Variants in PID1 observed in about 807,000 individuals in gnomAD.
PID1 encodes the protein phosphotyrosine interaction domain containing 1.
A neutral mutation model predicts 19.1 loss-of-function variants in PID1; 10 were observed. That is an observed-to-expected ratio of 0.52 (90% CI 0.32 to 0.89). PID1 has a LOEUF of 0.89. Among genes scored for constraint, PID1 ranks in the 40% least tolerant of loss-of-function variants. The probability of loss-of-function intolerance (pLI) is 0.03; values close to 1 mark genes in which losing one functional copy is unlikely to be tolerated. For synonymous variants in PID1, 130 were observed against 116.0 expected, an observed-to-expected ratio of 1.12 and a Z score of -0.78; for missense variants, 248 against 285.3, an observed-to-expected ratio of 0.87 and a Z score of 0.94.
chr2:229,062,437 G>T (rs1284345063), intron 2 of PID1, among the ~76,000 whole-genome samples: 1 of 151,870 alleles, frequency 6.6e-6, no homozygotes, highest in African/African-American at 2.4e-5. Context: ...GAATACAAGG[G>T]ATAAATCCTG....
At chr2:229,049,292 A>G (rs1239169556) in intron 2 of PID1, among the ~76,000 whole-genome samples, 1 of 152,102 alleles carries the variant, frequency 6.6e-6, no homozygotes, top group Non-Finnish European at 1.5e-5. Context: ...TATGTTGGCA[A>G]TCTGTATTTC....
At chr2:229,192,234 G>A (rs1574709098) in intron 1 of PID1, among the ~76,000 whole-genome samples, 1 of 152,214 alleles carries the variant, frequency 6.6e-6, no homozygotes, top group East Asian at 1.9e-4. Flanking sequence ...TATCCTCTCT[G>A]CCAAGATCTG....
At chr2:229,233,911 A>T (rs1451667735) in intron 1 of PID1, among the ~76,000 whole-genome samples, 1 of 152,218 alleles carries the variant, frequency 6.6e-6, no homozygotes, top group African/African-American at 2.4e-5. Flanking sequence ...ATTATTTACA[A>T]CAATGCATCA....
intron 2 of PID1, among the ~76,000 whole-genome samples, chr2:229,118,913 A>G (rs1367106216): frequency 1.3e-5 from 2 of 152,234 alleles, no homozygotes; most frequent in East Asian, 3.8e-4. Flanking sequence ...CAAGAGTAAG[A>G]GTCTGAACTC....
chr2:229,149,632 T>C (rs1393532032), intron 2 of PID1, among the ~76,000 whole-genome samples: 2 of 152,276 alleles, frequency 1.3e-5, no homozygotes, highest in East Asian at 3.9e-4. Context: ...ATATAAAAAT[T>C]GTTATGGTTT....
At chr2:229,225,186 C>G (rs1427350027) in intron 1 of PID1, among the ~76,000 whole-genome samples, 1 of 152,096 alleles carries the variant, frequency 6.6e-6, no homozygotes, top group Non-Finnish European at 1.5e-5. Context: ...CAGCTAGATT[C>G]GAGGAAATTT....
intron 2 of PID1, among the ~76,000 whole-genome samples, chr2:229,076,524 C>T (rs1413239154): frequency 2.0e-5 from 3 of 152,078 alleles, no homozygotes; most frequent in African/African-American, 4.8e-5. Context: ...GGTATTTCTC[C>T]TAATGTTATC....
intron 2 of PID1, among the ~76,000 whole-genome samples, chr2:229,087,607 T>G (rs1694794294): frequency 6.6e-6 from 1 of 152,212 alleles, no homozygotes; most frequent in Non-Finnish European, 1.5e-5. Context: ...TAAATGTTCC[T>G]CGAAGACAGT....
intron 1 of PID1, among the ~76,000 whole-genome samples, chr2:229,210,550 AAAAAC>A (rs1207170516): frequency 0.11 from 13,160 of 120,838 alleles, 1,979 homozygotes; most frequent in East Asian, 0.37. Context: ...AAAAAAAAAA[AAAAAC>A]AACCTAGAAG....
At chr2:229,227,777 A>G (rs1692111233) in intron 1 of PID1, among the ~76,000 whole-genome samples, 1 of 152,182 alleles carries the variant, frequency 6.6e-6, no homozygotes, top group Non-Finnish European at 1.5e-5. Context: ...TGGGGAAAAA[A>G]TTGCACGTGT....
chr2:229,197,072 C>T (rs1295116321), intron 1 of PID1, among the ~76,000 whole-genome samples: 3 of 151,946 alleles, frequency 2.0e-5, no homozygotes, highest in Non-Finnish European at 2.9e-5. Flanking sequence ...ACAAGCATGC[C>T]CTTTTATGCC....
chr2:229,061,536 G>C (rs1694212476), intron 2 of PID1, among the ~76,000 whole-genome samples: 1 of 151,934 alleles, frequency 6.6e-6, no homozygotes. Flanking sequence ...AAGTCAGATA[G>C]TGTGATGCAT....
At position 229,030,536 on chromosome 2, in the gene PID1, A is replaced by T. The variant is rs886179427; in HGVS notation, c.178-4428T>A. Among the ~76,000 whole-genome samples, 4 of 152,156 alleles carry T rather than the reference A, an allele frequency of 2.6e-5. No homozygotes were observed. The East Asian group carries it at 7.7e-4, about 29-fold the overall frequency. ...TTACTATTCACTGAAACTAGAAATA[A>T]CTGTTTTTATGTTTGGTAGAAAAAA... On this transcript the variant is annotated intron_variant, in intron 2 of 2. Transcript: ENST00000392055.
chr2:229,232,743 TTTG>T (rs1341960367), intron 1 of PID1, among the ~76,000 whole-genome samples: 1 of 148,634 alleles, frequency 6.7e-6, no homozygotes, highest in Non-Finnish European at 1.5e-5. Flanking sequence ...GTTAATAATG[TTTG>T]TTGACTGACC....
chr2:229,136,312 C>G (rs1186185459), intron 2 of PID1, among the ~76,000 whole-genome samples: 3 of 152,106 alleles, frequency 2.0e-5, no homozygotes, highest in African/African-American at 7.2e-5. Flanking sequence ...AATGCCCCAG[C>G]CAACAGCTTG....
At chr2:229,213,021 A>G (rs1398921986) in intron 1 of PID1, among the ~76,000 whole-genome samples, 3 of 152,108 alleles carry the variant, frequency 2.0e-5, no homozygotes, top group Non-Finnish European at 2.9e-5. Context: ...GTTAAAAAAT[A>G]TACTCTGTGA....
chr2:229,254,147 C>T (rs866777016), intron 1 of PID1, among the ~76,000 whole-genome samples: 4 of 152,120 alleles, frequency 2.6e-5, no homozygotes, highest in South Asian at 4.2e-4. Context: ...ATGGCACATT[C>T]ATTACGAACA....
At chr2:229,069,792 G>T (rs1011034812) in intron 2 of PID1, among the ~76,000 whole-genome samples, 2 of 152,186 alleles carry the variant, frequency 1.3e-5, no homozygotes, top group Non-Finnish European at 2.9e-5. Flanking sequence ...TAAGCACTAA[G>T]ATATTATTAC....
chr2:229,210,295 G>A (rs1051460151), intron 1 of PID1, among the ~76,000 whole-genome samples: 2 of 151,752 alleles, frequency 1.3e-5, no homozygotes, highest in Admixed American at 6.6e-5. Context: ...GGTGGATCAC[G>A]AGGTCAGGAG....
Sources: gnomAD v4.1 joint callset for allele counts (sites outside exome capture counted in the v4.1 genomes callset) on GRCh38, gnomAD v4.1.1 for gene constraint, MANE v1.5 for transcripts, NCBI Gene and HGNC (gene_info 2026-07-23, HGNC 2026-07-21) for gene names.